Variants in NWD2 observed in about 807,000 individuals in gnomAD.
The protein encoded by NWD2 is NACHT and WD repeat domain containing 2.
NWD2 carries 37 observed loss-of-function variants against 132.7 expected under a neutral mutation model. The ratio of observed to expected loss-of-function variants is 0.28; its 90% CI spans 0.21 to 0.37. The LOEUF is 0.37. NWD2 is among the 10% of genes least tolerant of loss of function. The pLI is 1.00. For synonymous variants in NWD2, 705 were observed against 803.0 expected (o/e 0.88, Z 2.06); for missense variants, 1,592 against 2,122.4 (o/e 0.75, Z 4.91).
chr4:37,368,466 G>A (rs1720143612), intron 3 of NWD2, among the ~76,000 whole-genome samples: 1 of 152,132 alleles, frequency 6.6e-6, no homozygotes, highest in South Asian at 2.1e-4. Context: ...TGAGCTAATG[G>A]TAAGTCATAT....
At position 37,444,484 on chromosome 4, in the gene NWD2, G is replaced by A. The variant is rs1712576901; in HGVS notation, c.2496G>A (p.Arg832=). The A allele has an allele frequency of 6.4e-7, 1 of 1,551,796 alleles. No homozygotes were observed. The highest frequency in any genetic ancestry group is 8.7e-7 in the Non-Finnish European group (1 of 1,147,014). Residue 832 remains arginine, a synonymous_variant, in exon 7 of 7, where the codon CGG becomes CGA. Coordinates refer to ENST00000309447, the MANE Select transcript of NWD2 (RefSeq NM_001144990.2). This position sits in a 1 kb window ranked among gnomAD's most constrained non-coding sequence, Gnocchi z 4.8. ...LEPDIFFVNH[R]KMSELLYHLT... is the part of the protein sequence containing the mutation. ...CTGACATCTTTTTCGTTAATCATCG[G>A]AAAATGTCTGAGCTGTTGTACCACT...
intron 1 of NWD2, among the ~76,000 whole-genome samples, chr4:37,256,310 G>A (rs898334149): frequency 8.5e-5 from 13 of 152,204 alleles, no homozygotes; most frequent in African/African-American, 2.4e-4. Context: ...CAAGTCAGAG[G>A]AAAATAAGAA....
intron 2 of NWD2, among the ~76,000 whole-genome samples, chr4:37,335,201 C>T (rs1053583933): frequency 6.7e-6 from 1 of 148,622 alleles, no homozygotes; most frequent in Admixed American, 6.9e-5. Context: ...CCACAGGCAG[C>T]CTGTTCTAGC....
intron 4 of NWD2, among the ~76,000 whole-genome samples, chr4:37,433,324 A>G (rs1712229832): frequency 6.6e-6 from 1 of 152,222 alleles, no homozygotes; most frequent in African/African-American, 2.4e-5. Context: ...ATTTATCTTT[A>G]TGATCCACTA....
intron 1 of NWD2, among the ~76,000 whole-genome samples, chr4:37,275,031 G>A (rs1717976545): frequency 6.6e-6 from 1 of 152,162 alleles, no homozygotes; most frequent in African/African-American, 2.4e-5. Context: ...AGACAGGGAT[G>A]CCCTCTCTCA....
At chr4:37,253,450 A>G (rs974565625) in intron 1 of NWD2, among the ~76,000 whole-genome samples, 1 of 152,130 alleles carries the variant, frequency 6.6e-6, no homozygotes, top group African/African-American at 2.4e-5. Context: ...TGCTCCCCGG[A>G]ACAGGTCATG....
chr4:37,311,514 A>G (rs1162878335), intron 1 of NWD2, among the ~76,000 whole-genome samples: 1 of 150,046 alleles, frequency 6.7e-6, no homozygotes, highest in Non-Finnish European at 1.5e-5. Flanking sequence ...GTTTGAGTTC[A>G]TTGTAGATTC....
At chr4:37,384,622 A>G (rs915184259) in intron 3 of NWD2, among the ~76,000 whole-genome samples, 1 of 152,218 alleles carries the variant, frequency 6.6e-6, no homozygotes, top group Non-Finnish European at 1.5e-5. Flanking sequence ...GCTGGTGTTC[A>G]CAGTGCACAT....
chr4:37,399,221 G>C (rs971560315), intron 3 of NWD2, among the ~76,000 whole-genome samples: 1 of 152,134 alleles, frequency 6.6e-6, no homozygotes, highest in Non-Finnish European at 1.5e-5. Flanking sequence ...TAGATAAGGA[G>C]TTTGTCACAC....
intron 3 of NWD2, among the ~76,000 whole-genome samples, chr4:37,370,203 A>G (rs909340536): frequency 1.3e-5 from 2 of 152,160 alleles, no homozygotes; most frequent in East Asian, 3.9e-4. Flanking sequence ...AATAGTTTTA[A>G]CTGTTTAATT....
chr4:37,289,814 C>T (rs968713075), intron 1 of NWD2, among the ~76,000 whole-genome samples: 4 of 152,192 alleles, frequency 2.6e-5, no homozygotes, highest in Non-Finnish European at 5.9e-5. Context: ...TCCCACTCCT[C>T]ACCCCTAGAG....
intron 3 of NWD2, among the ~76,000 whole-genome samples, chr4:37,358,994 G>A (rs73242340): frequency 0.025 from 3,819 of 152,180 alleles, 69 homozygotes; most frequent in Middle Eastern, 0.065. Flanking sequence ...GGAGTGTCCT[G>A]GGAAACCTCA....
At chr4:37,394,656 C>G in intron 3 of NWD2, among the ~76,000 whole-genome samples, 1 of 152,050 alleles carries the variant, frequency 6.6e-6, no homozygotes, top group East Asian at 1.9e-4. Context: ...CTAGTCTAAC[C>G]CTAGAGGAAC....
At chr4:37,423,744 A>AC (rs1275746925) in intron 3 of NWD2, among the ~76,000 whole-genome samples, 5 of 151,608 alleles carry the variant, frequency 3.3e-5, no homozygotes, top group African/African-American at 1.2e-4. Flanking sequence ...ACCAGAAATA[A>AC]TGTTAAGTCA....
At chr4:37,328,965 G>A (rs955508693) in intron 2 of NWD2, among the ~76,000 whole-genome samples, 3 of 151,982 alleles carry the variant, frequency 2.0e-5, no homozygotes, top group Non-Finnish European at 4.4e-5. Flanking sequence ...TTTCAAGACA[G>A]CTGCATTCCT....
At chr4:37,396,273 C>T (rs1193661017) in intron 3 of NWD2, among the ~76,000 whole-genome samples, 1 of 152,174 alleles carries the variant, frequency 6.6e-6, no homozygotes, top group Admixed American at 6.5e-5. Flanking sequence ...ACTCCTACCC[C>T]AGCAATCCAC....
At chr4:37,409,244 G>A (rs375773869) in intron 3 of NWD2, among the ~76,000 whole-genome samples, 318 of 152,006 alleles carry the variant, frequency 2.1e-3, no homozygotes, top group African/African-American at 7.4e-3. Flanking sequence ...CCCATCACAA[G>A]GAAGCTAAAA....
At chr4:37,435,550 A>G (rs1712299448) in intron 5 of NWD2, among the ~76,000 whole-genome samples, 1 of 152,202 alleles carries the variant, frequency 6.6e-6, no homozygotes, top group Non-Finnish European at 1.5e-5. Flanking sequence ...CAAAGACAGA[A>G]CAACCCTGTT....
chr4:37,422,332 C>T (rs540588535), intron 3 of NWD2, among the ~76,000 whole-genome samples: 25 of 152,282 alleles, frequency 1.6e-4, no homozygotes, highest in Non-Finnish European at 2.5e-4. Context: ...CATCTGTTGC[C>T]GTGGTTCCAG....
Sources: allele counts gnomAD v4.1 joint callset (sites outside exome capture counted in the v4.1 genomes callset), GRCh38; gene constraint gnomAD v4.1.1; non-coding constraint Gnocchi (gnomAD v3.1); transcripts MANE v1.5; gene names NCBI Gene and HGNC (gene_info 2026-07-23, HGNC 2026-07-21).